GJE1: variants seen among roughly 807,000 people sequenced by gnomAD.
GJE1 encodes gap junction protein epsilon 1, also known as gap junction epsilon-1 protein.
GJE1 carries 9 observed loss-of-function variants against 6.2 expected under a neutral mutation model. The observed-to-expected ratio is 1.45, with a 90% CI of 0.87 to 2.52. GJE1 has a LOEUF of 2.52. Ranked by LOEUF, GJE1 falls within the 30% of genes most tolerant of loss-of-function variation. The pLI, the probability that GJE1 is intolerant of heterozygous loss-of-function variation, is 0.00. For missense variants in GJE1, 190 were observed against 87.7 expected (o/e 2.17, Z -4.66); for synonymous variants, 65 against 30.1 (o/e 2.16, Z -3.80).
At chr6:142,133,790 T>A (rs1002771915) in intron 1 of GJE1, 60 bp from the exon 2 acceptor site, 22 of 550,670 alleles carry the variant, frequency 4.0e-5, no homozygotes, top group Non-Finnish European at 4.6e-5. Flanking sequence ...AGGATTTTTT[T>A]AAATGTCCTC....
intron 1 of GJE1, 54 bp from the exon 2 acceptor site, chr6:142,133,796 T>A: frequency 1.8e-6 from 1 of 553,024 alleles, no homozygotes; most frequent in Non-Finnish European, 3.3e-6. Flanking sequence ...TTTTTAAATG[T>A]CCTCCTTTAA....
exon 3 of GJE1, chr6:142,134,679 T>C: frequency 1.4e-6 from 1 of 696,392 alleles, no homozygotes; most frequent in Non-Finnish European, 2.6e-6. Context: ...TAAGAATTAG[T>C]CTAGCGGCAA....
chr6:142,134,146 G>T, intron 2 of GJE1, 102 bp downstream of exon 2: 6 of 495,902 alleles, frequency 1.2e-5, no homozygotes, highest in South Asian at 3.9e-5. Flanking sequence ...TTGTTCCTAA[G>T]GATTATGTTA....
intron 2 of GJE1, 50 bp downstream of exon 2, chr6:142,134,094 G>A: frequency 1.8e-6 from 1 of 558,082 alleles, no homozygotes; most frequent in South Asian, 2.6e-5. Flanking sequence ...CTCTTTAAAT[G>A]TAAAATAATG....
chr6:142,134,637 C>T (rs1333195614), exon 3 of GJE1: 1 of 690,282 alleles, frequency 1.4e-6, no homozygotes, highest in Non-Finnish European at 2.6e-6. Context: ...AAAAGCCTAT[C>T]TACACTATAA....
intron 1 of GJE1, 66 bp from the exon 2 acceptor site, chr6:142,133,783 AT>A: frequency 3.7e-6 from 2 of 547,182 alleles, no homozygotes; most frequent in South Asian, 2.8e-5. Flanking sequence ...TGATATAAGG[AT>A]TTTTTTAAAT....
intron 2 of GJE1, 50 bp from the exon 3 acceptor site, chr6:142,134,486 ATAT>A (rs879585733): frequency 7.1e-5 from 34 of 477,626 alleles, no homozygotes; most frequent in Non-Finnish European, 1.1e-4. Flanking sequence ...TTTTAGTTAC[ATAT>A]TGATTAATTG....
chr6:142,134,741 A>C lies in GJE1; in HGVS notation c.437A>C (p.Tyr146Ser), dbSNP rs13192882. The C allele has an allele frequency of 4.3e-3, 2,957 of 691,642 alleles. 13 individuals carry two copies. Among genetic ancestry groups the C allele is most frequent in the Non-Finnish European group, 6.2e-3 (2,372 of 381,590 alleles). The allele number at this position is 691,642 out of a possible 1,614,324, so 42.8% of individuals were successfully genotyped here. ...TTTGGTTTCCAAGTAAAATCTCTTT[A>C]CCTGTGTGATGCTAGATCTCTTGGG... Residue 146 changes from tyrosine (Y) to serine (S), a missense_variant, in exon 3 of 3, where the codon TAC (tyrosine) becomes TCC (serine). Coordinates refer to ENST00000450456, the Ensembl canonical transcript of GJE1.
upstream of GJE1, chr6:142,132,961 T>A (rs2114608310): frequency 2.5e-6 from 1 of 405,138 alleles, no homozygotes; most frequent in East Asian, 3.4e-5. Context: ...TTGTTTTGTT[T>A]TGGGACAGAG....
chr6:142,133,608 A>C (rs1582863225), intron 1 of GJE1, among the ~76,000 whole-genome samples: 1 of 152,160 alleles, frequency 6.6e-6, no homozygotes, highest in South Asian at 2.1e-4. Flanking sequence ...AAGCTGTATA[A>C]ATATTTCCAA....
chr6:142,133,112 G>T, exon 1 of GJE1: 1 of 633,164 alleles, frequency 1.6e-6, no homozygotes, highest in South Asian at 1.8e-5. Flanking sequence ...TGGCAATGTG[G>T]GTCAAGAATT....
chr6:142,134,133 T>A (rs1031984111), intron 2 of GJE1, 89 bp downstream of exon 2: 8 of 512,926 alleles, frequency 1.6e-5, no homozygotes, highest in Non-Finnish European at 2.4e-5. Flanking sequence ...CCTAACAGGT[T>A]TTTTGTTCCT....
chr6:142,134,697 C>G, exon 3 of GJE1: 2 of 695,588 alleles, frequency 2.9e-6, no homozygotes, highest in Admixed American at 4.2e-5. Context: ...CAATAGCATT[C>G]TGGCTTCAGA....
At chr6:142,133,054 G>T (rs111269991), upstream of GJE1, 139 of 526,870 alleles carry the variant, frequency 2.6e-4, 1 homozygote, top group East Asian at 3.4e-3. Context: ...GTTTTCTGCT[G>T]TAAGAGTCCT....
exon 1 of GJE1, chr6:142,133,184 T>A (rs1314257067): frequency 1.5e-6 from 1 of 687,312 alleles, no homozygotes; most frequent in Non-Finnish European, 2.7e-6. Flanking sequence ...ATCAAAAACT[T>A]CTATGAAGGA....
exon 3 of GJE1, chr6:142,134,582 A>C: frequency 1.6e-6 from 1 of 617,422 alleles, no homozygotes; most frequent in Non-Finnish European, 2.9e-6. Context: ...GCTCTTTTCC[A>C]CCTTTATGCT....
rs746100422 is a variant in GJE1, at chr6:142,133,204, A to AT, written c.39+9dup. ...AAACTTCTATGAAGGATGTGTAAGTATTATACAAACAAAAAATCAATTGTA... is the reference window on the plus strand; with the variant it reads ...AAACTTCTATGAAGGATGTGTAAGTATTTATACAAACAAAAAATCAATTGTA... On this transcript the variant is annotated splice_region_variant and intron_variant, in intron 1 of 2. Transcript: ENST00000450456. 1 of 667,990 alleles carries AT rather than the reference A, an allele frequency of 1.5e-6. No homozygotes were observed. The highest frequency in any genetic ancestry group is 1.6e-5 in the South Asian group (1 of 61,786). The allele number at this position is 667,990 out of a possible 1,614,324, so 41.4% of individuals were successfully genotyped here. A position where few individuals can be genotyped will look rare whatever the true frequency, so the allele number is the denominator to read the frequency against.
exon 2 of GJE1, chr6:142,133,859 C>T (rs148882702): frequency 0.011 from 7,622 of 690,612 alleles, 114 homozygotes; most frequent in Middle Eastern, 0.016. Context: ...GGTTAAACCT[C>T]CAACTGTGAT....
intron 2 of GJE1, 81 bp from the exon 3 acceptor site, chr6:142,134,458 T>C (rs902246388): frequency 1.1e-4 from 50 of 458,828 alleles, no homozygotes; most frequent in Admixed American, 6.2e-4. Context: ...TGAGAGTTAG[T>C]GGGGTTTTTT....
Sources: allele counts gnomAD v4.1 joint callset (sites outside exome capture counted in the v4.1 genomes callset), GRCh38; gene constraint gnomAD v4.1.1; transcripts MANE v1.5; gene names NCBI Gene and HGNC (gene_info 2026-07-23, HGNC 2026-07-21).